ACTN1: variants seen among roughly 807,000 people sequenced by gnomAD.
ACTN1 encodes the protein actinin alpha 1.
In ACTN1, 30 loss-of-function variants were observed where a neutral mutation model predicts 119.6. That is an observed-to-expected ratio of 0.25 (90% CI 0.19 to 0.34). The LOEUF is 0.34. Ranked by LOEUF, ACTN1 falls within the 10% of genes least tolerant of loss-of-function variation. ACTN1 has a pLI of 1.00. For synonymous variants in ACTN1, 429 were observed against 472.6 expected (o/e 0.91, Z 1.20); for missense variants, 764 against 1,223.4 (o/e 0.62, Z 5.60).
chr14:68,883,325 C>T (rs2031726737), intron 14 of ACTN1: 4 of 410,030 alleles, frequency 9.8e-6, no homozygotes, highest in Admixed American at 7.5e-5. Flanking sequence ...AGAAGGGCTG[C>T]TCCAGAGGCT....
At chr14:68,922,520 C>G (rs2034704838) in intron 2 of ACTN1, among the ~76,000 whole-genome samples, 1 of 152,128 alleles carries the variant, frequency 6.6e-6, no homozygotes, top group Non-Finnish European at 1.5e-5. Context: ...GCACCACGTC[C>G]CCTCCCTGGA....
chr14:68,959,895 T>C (rs1346621542), intron 1 of ACTN1, among the ~76,000 whole-genome samples: 1 of 152,242 alleles, frequency 6.6e-6, no homozygotes, highest in Admixed American at 6.5e-5. Flanking sequence ...TTAACTGTTG[T>C]AGCCCAGTGT....
chr14:68,930,102 T>C (rs943248495), intron 1 of ACTN1, among the ~76,000 whole-genome samples: 2 of 152,218 alleles, frequency 1.3e-5, no homozygotes, highest in African/African-American at 2.4e-5. Flanking sequence ...TAAAATGTGT[T>C]GGAAAGGAAT....
chr14:68,953,083 G>T (rs760590925), intron 1 of ACTN1, among the ~76,000 whole-genome samples: 19 of 152,136 alleles, frequency 1.2e-4, no homozygotes, highest in Non-Finnish European at 2.8e-4. Flanking sequence ...TGTCCCCAGG[G>T]GACTCTGGAG....
chr14:68,932,243 A>G (rs2035254520), intron 1 of ACTN1, among the ~76,000 whole-genome samples: 3 of 151,534 alleles, frequency 2.0e-5, no homozygotes, highest in Admixed American at 6.6e-5. Flanking sequence ...AATAAAAGCA[A>G]GCAGAAGAAC....
chr14:68,902,799 G>A (rs562429304), intron 7 of ACTN1, among the ~76,000 whole-genome samples: 4 of 152,264 alleles, frequency 2.6e-5, no homozygotes, highest in East Asian at 3.9e-4. Context: ...ACAGGACAGC[G>A]GCCCCATTTC....
intron 1 of ACTN1, among the ~76,000 whole-genome samples, chr14:68,928,092 T>C (rs1436293053): frequency 2.0e-5 from 3 of 152,186 alleles, no homozygotes; most frequent in Non-Finnish European, 4.4e-5. Context: ...TCCAGGGTCC[T>C]AGCAGGCACT....
intron 1 of ACTN1, among the ~76,000 whole-genome samples, chr14:68,962,404 C>G (rs2036568796): frequency 6.6e-6 from 1 of 152,212 alleles, no homozygotes. Context: ...GGGCCAGCAC[C>G]TCCTCCACAG....
chr14:68,929,892 C>T (rs1310066944), intron 1 of ACTN1, among the ~76,000 whole-genome samples: 1 of 152,154 alleles, frequency 6.6e-6, no homozygotes, highest in Non-Finnish European at 1.5e-5. Context: ...ACTGTCCAGC[C>T]CTGTAGTTCA....
intron 1 of ACTN1, among the ~76,000 whole-genome samples, chr14:68,958,639 A>G (rs1239926585): frequency 1.3e-5 from 2 of 152,232 alleles, no homozygotes; most frequent in African/African-American, 4.8e-5. Context: ...GCTCCTGGAT[A>G]TTATCCAAAA....
intron 1 of ACTN1, among the ~76,000 whole-genome samples, chr14:68,930,496 C>T (rs551911939): frequency 6.6e-6 from 1 of 152,262 alleles, no homozygotes; most frequent in South Asian, 2.1e-4. Flanking sequence ...TGAGCTTTTA[C>T]AATCAAGCAT....
At chr14:68,899,501 CCCA>C (rs371340800) in intron 8 of ACTN1, among the ~76,000 whole-genome samples, 138 of 151,276 alleles carry the variant, frequency 9.1e-4, no homozygotes, top group African/African-American at 2.9e-3. Context: ...ACACCTCACA[CCCA>C]CCACATCCAT....
chr14:68,918,844 A>G (rs1246470815), intron 3 of ACTN1, among the ~76,000 whole-genome samples: 1 of 152,216 alleles, frequency 6.6e-6, no homozygotes, highest in African/African-American at 2.4e-5. Flanking sequence ...CCTGGGTTTA[A>G]CCCTGGATCT....
At chr14:68,936,171 C>T (rs2035497055) in intron 1 of ACTN1, among the ~76,000 whole-genome samples, 1 of 152,168 alleles carries the variant, frequency 6.6e-6, no homozygotes, top group African/African-American at 2.4e-5. Context: ...TCTTTTGTTC[C>T]TGTGTAGGGT....
intron 1 of ACTN1, among the ~76,000 whole-genome samples, chr14:68,939,617 T>A (rs2035695773): frequency 6.6e-6 from 1 of 152,094 alleles, no homozygotes; most frequent in Non-Finnish European, 1.5e-5. Flanking sequence ...TAGTGGTTTC[T>A]TAGGGCTGGG....
At chr14:68,965,669 C>T (rs1192855551) in intron 1 of ACTN1, among the ~76,000 whole-genome samples, 1 of 152,224 alleles carries the variant, frequency 6.6e-6, no homozygotes, top group Non-Finnish European at 1.5e-5. Flanking sequence ...GCCTCCCACT[C>T]AGGACCACAC....
chr14:68,926,715 C>T (rs1034151313), intron 1 of ACTN1, among the ~76,000 whole-genome samples: 4 of 152,170 alleles, frequency 2.6e-5, no homozygotes, highest in African/African-American at 9.7e-5. Flanking sequence ...AGGAGCCACA[C>T]TAGAAATACT....
chr14:68,922,179 C>T (rs550230043), intron 2 of ACTN1, among the ~76,000 whole-genome samples: 1 of 152,336 alleles, frequency 6.6e-6, no homozygotes, highest in East Asian at 1.9e-4. Context: ...CCCGACCACA[C>T]CCACTGTCTC....
At chr14:68,968,374 G>T (rs568006573) in intron 1 of ACTN1, among the ~76,000 whole-genome samples, 1 of 152,348 alleles carries the variant, frequency 6.6e-6, no homozygotes, top group East Asian at 1.9e-4. Flanking sequence ...CCACAAAACA[G>T]GGATGGCAGA....
Sources: gnomAD v4.1 joint callset for allele counts (sites outside exome capture counted in the v4.1 genomes callset) on GRCh38, gnomAD v4.1.1 for gene constraint, MANE v1.5 for transcripts, NCBI Gene and HGNC (gene_info 2026-07-23, HGNC 2026-07-21) for gene names.